NBAS: variants seen among roughly 807,000 people sequenced by gnomAD.
NBAS encodes the protein NAG/BC035112 fusion.
A neutral mutation model predicts 302.5 loss-of-function variants in NBAS; 219 were observed. That is an observed-to-expected ratio of 0.72 (90% CI 0.65 to 0.81). The LOEUF is 0.81. Ranked by LOEUF, NBAS falls within the 30% of genes least tolerant of loss-of-function variation. NBAS has a pLI of 0.00. For synonymous variants in NBAS, 1,118 were observed against 1,021.6 expected, an observed-to-expected ratio of 1.09 and a Z score of -1.80; for missense variants, 2,932 against 2,841.6, an observed-to-expected ratio of 1.03 and a Z score of -0.72.
chr2:15,087,935 C>T, the NBAS span, among the ~76,000 whole-genome samples: 1 of 152,180 alleles, frequency 6.6e-6, no homozygotes, highest in African/African-American at 2.4e-5. Flanking sequence ...GTTGCAGAGA[C>T]AAAACACGCG....
intron 44 of NBAS, among the ~76,000 whole-genome samples, chr2:15,264,317 T>C (rs1668978289): frequency 6.6e-6 from 1 of 152,206 alleles, no homozygotes; most frequent in Admixed American, 6.5e-5. Flanking sequence ...CCTATGAATT[T>C]AGAATCCACA....
At chr2:14,846,716 T>C in the NBAS span, among the ~76,000 whole-genome samples, 1 of 152,130 alleles carries the variant, frequency 6.6e-6, no homozygotes, top group African/African-American at 2.4e-5. Context: ...TCTTTTTGCT[T>C]GTTTATGAAA....
At chr2:14,933,540 T>C in the NBAS span, among the ~76,000 whole-genome samples, 16,553 of 152,270 alleles carry the variant, frequency 0.11, 977 homozygotes, top group African/African-American at 0.15. Context: ...AGTGCACAGA[T>C]AACTCATTAG....
chr2:14,887,210 C>A, the NBAS span, among the ~76,000 whole-genome samples: 3 of 152,092 alleles, frequency 2.0e-5, no homozygotes, highest in African/African-American at 7.2e-5. Flanking sequence ...TCGAGACCAG[C>A]CTGGCCAACA....
At chr2:15,394,172 T>G in intron 28 of NBAS, 55 bp downstream of exon 28, 1 of 1,517,890 alleles carries the variant, frequency 6.6e-7, no homozygotes, top group Non-Finnish European at 8.9e-7. Context: ...AGAGAAATAC[T>G]TTTAAAAATA....
At chr2:15,225,650 G>A (rs1318999989) in intron 47 of NBAS, among the ~76,000 whole-genome samples, 1 of 152,172 alleles carries the variant, frequency 6.6e-6, no homozygotes, top group African/African-American at 2.4e-5. Flanking sequence ...TGAGACTGTG[G>A]TGAAGTAGCA....
At chr2:14,824,761 C>T in the NBAS span, among the ~76,000 whole-genome samples, 47 of 152,140 alleles carry the variant, frequency 3.1e-4, no homozygotes, top group African/African-American at 1.0e-3. Flanking sequence ...CTGGAGTAAT[C>T]GGCGATTGCG....
chr2:15,274,103 T>A (rs73197006), intron 44 of NBAS, among the ~76,000 whole-genome samples: 2,332 of 152,180 alleles, frequency 0.015, 54 homozygotes, highest in African/African-American at 0.053. Context: ...CATCCTTATT[T>A]TTCTCTTTAA....
downstream of NBAS, among the ~76,000 whole-genome samples, chr2:15,165,833 C>T (rs1052264166): frequency 1.3e-4 from 20 of 152,166 alleles, no homozygotes; most frequent in African/African-American, 4.8e-4. Flanking sequence ...CAAATTACTC[C>T]CTATAACAAT....
At chr2:15,529,463 G>A (rs1175948891) in intron 9 of NBAS, among the ~76,000 whole-genome samples, 1 of 152,100 alleles carries the variant, frequency 6.6e-6, no homozygotes, top group Non-Finnish European at 1.5e-5. Context: ...CTGGACTCCA[G>A]CGCGGGTGAC....
At chr2:15,260,965 C>A (rs541491420) in intron 44 of NBAS, among the ~76,000 whole-genome samples, 1 of 152,282 alleles carries the variant, frequency 6.6e-6, no homozygotes, top group African/African-American at 2.4e-5. Flanking sequence ...GTCTTTAATG[C>A]TGACCACAAT....
chr2:14,859,950 A>G, the NBAS span, among the ~76,000 whole-genome samples: 1 of 152,122 alleles, frequency 6.6e-6, no homozygotes, highest in Non-Finnish European at 1.5e-5. Flanking sequence ...GTGATTAATA[A>G]TTAGTATATA....
chr2:15,031,963 G>A, the NBAS span, among the ~76,000 whole-genome samples: 1 of 152,140 alleles, frequency 6.6e-6, no homozygotes, highest in African/African-American at 2.4e-5. Flanking sequence ...AGAGGTGCCA[G>A]CACAAGTCTT....
Position 15,351,870 on chromosome 2 carries a change from G to GCACACA in NBAS, c.4179+116_4179+121dup, listed in dbSNP as rs10605991. ...AGCTGAAAAGAAAAGTGGTCTGCAT[G>GCACACA]CACACACACACACACACACACACAC... On this transcript the variant is annotated intron_variant, in intron 35 of 51. Coordinates refer to ENST00000281513, the MANE Select transcript of NBAS (RefSeq NM_015909.4). The GCACACA allele has an allele frequency of 3.6e-3, 2,492 of 701,806 alleles. 33 individuals are homozygous for GCACACA. The African/African-American group carries it at 0.039, about 11-fold the overall frequency. The allele number at this position is 701,806 out of a possible 1,614,324, so 43.5% of individuals were successfully genotyped here. A position where few individuals can be genotyped will look rare whatever the true frequency, so the allele number is the denominator to read the frequency against.
At position 15,554,114 on chromosome 2, in the gene NBAS, A is replaced by C. The variant is rs1664527200; in HGVS notation, c.234T>G (p.Asp78Glu). The change falls in exon 4 of 52, where the codon GAT becomes GAG. Residue 78 changes from aspartate to glutamate, a missense_variant. Asp to Glu is a conservative substitution (Grantham distance 45, BLOSUM62 2). Transcript: ENST00000281513. Reference protein sequence around the residue: ...WYSPAPFLLPDGLVRLVNKQI... With the variant: ...WYSPAPFLLPEGLVRLVNKQI... ...GTTTATTAACCAAGCGAACCAGTCC[A>C]TCAGGGAGCAAAAAAGGTGCCGGGC... is the stretch of plus-strand genomic sequence containing the variant. 6.2e-7 allele frequency: 1 copy of C among 1,613,782 alleles called. No individual in the cohort carries two copies. Among genetic ancestry groups the C allele is most frequent in the South Asian group, 1.1e-5 (1 of 91,040 alleles).
the NBAS span, among the ~76,000 whole-genome samples, chr2:14,793,062 C>A: frequency 7.5e-6 from 1 of 132,836 alleles, no homozygotes; most frequent in Non-Finnish European, 1.6e-5. Flanking sequence ...CTTTCTCTGT[C>A]TCTGTTTCTC....
In NBAS at chr2:15,275,253, C is replaced by T. The variant is rs754435538; in HGVS notation, c.5724+231G>A. Among the ~76,000 whole-genome samples, 9 of 152,160 alleles carry T rather than the reference C, an allele frequency of 5.9e-5. No homozygotes were observed. In the East Asian group the frequency reaches 9.7e-4, roughly 16 times the overall value. ...AGAACTGTAACATGTACTAAGTATACGTGTAAATGAGAATAGTCATCTCTA... is the reference window on the plus strand; with the variant it reads ...AGAACTGTAACATGTACTAAGTATATGTGTAAATGAGAATAGTCATCTCTA... On this transcript the variant is annotated intron_variant, in intron 44 of 51. Transcript: ENST00000281513.
the NBAS span, among the ~76,000 whole-genome samples, chr2:14,932,614 CA>C: frequency 6.6e-6 from 1 of 152,278 alleles, no homozygotes; most frequent in Non-Finnish European, 1.5e-5. Context: ...GTATTAAAGG[CA>C]TCAATATGAC....
the NBAS span, among the ~76,000 whole-genome samples, chr2:14,968,302 A>G: frequency 5.2e-4 from 79 of 152,342 alleles, no homozygotes; most frequent in African/African-American, 1.8e-3. Context: ...AAAAGTTGGC[A>G]AAGTCTCTAA....
Sources: allele counts gnomAD v4.1 joint callset (sites outside exome capture counted in the v4.1 genomes callset), GRCh38; gene constraint gnomAD v4.1.1; transcripts MANE v1.5; gene names NCBI Gene and HGNC (gene_info 2026-07-23, HGNC 2026-07-21).